NCOA2: variants seen among roughly 807,000 people sequenced by gnomAD.
The protein encoded by NCOA2 is nuclear receptor coactivator 2, also known as class E basic helix-loop-helix protein 75.
Under a neutral mutation model 145.1 loss-of-function variants are expected in NCOA2, and 21 were observed. The ratio of observed to expected loss-of-function variants is 0.14; its 90% CI spans 0.10 to 0.21. The LOEUF (loss-of-function observed/expected upper bound fraction) is 0.21, where lower values mean the gene tolerates loss of function less well. Among genes scored for constraint, NCOA2 ranks in the 10% least tolerant of loss-of-function variants. NCOA2 has a pLI of 1.00. For synonymous variants in NCOA2, 619 were observed against 637.5 expected (o/e 0.97, Z 0.44); for missense variants, 1,472 against 1,837.6 (o/e 0.80, Z 3.64).
At chr8:70,174,705 G>T in intron 5 of NCOA2, 51 bp downstream of exon 5, 1 of 1,458,676 alleles carries the variant, frequency 6.9e-7, no homozygotes, top group Non-Finnish European at 9.6e-7. Flanking sequence ...ATGTAATAAT[G>T]TGAAGATCAA....
intron 1 of NCOA2, among the ~76,000 whole-genome samples, chr8:70,376,046 G>C (rs1228135264): frequency 2.6e-5 from 4 of 152,084 alleles, no homozygotes; most frequent in Non-Finnish European, 5.9e-5. Flanking sequence ...TTCAACTTTA[G>C]TAGTAAAATA....
At chr8:70,430,388 C>T in the NCOA2 span, among the ~76,000 whole-genome samples, 8 of 152,104 alleles carry the variant, frequency 5.3e-5, no homozygotes, top group Admixed American at 1.3e-4. Flanking sequence ...TACAATAGCA[C>T]TACATTTTTT....
rs199803538 is a variant in NCOA2, at chr8:70,194,676, CTTTTTTTT to C, written c.259+19219_259+19226del. Among the ~76,000 whole-genome samples, 147 of 109,874 alleles carry C rather than the reference CTTTTTTTT, an allele frequency of 1.3e-3. 1 individual carries two copies. The highest frequency in any genetic ancestry group is 4.5e-3 in the Middle Eastern group (1 of 220). 72.1% of individuals were successfully genotyped at this position (109,874 alleles called of 152,430 possible). On this transcript the variant is annotated intron_variant, in intron 4 of 22. Coordinates refer to ENST00000452400, the MANE Select transcript of NCOA2 (RefSeq NM_006540.4). ...CTGTTTTTCTGGGCTCTTTTATCTTCTTTTTTTTTTTTTTTTTTTTTCCTGACAGGAAA... is the reference window on the plus strand; with the variant it reads ...CTGTTTTTCTGGGCTCTTTTATCTTCTTTTTTTTTTTTTCCTGACAGGAAA...
chr8:70,250,443 G>A (rs1345754768), intron 2 of NCOA2, among the ~76,000 whole-genome samples: 4 of 140,648 alleles, frequency 2.8e-5, no homozygotes, highest in South Asian at 2.4e-4. Context: ...GTGGTGGCAC[G>A]CCTGTGGTCC....
chr8:70,177,976 T>C (rs1437341874), intron 4 of NCOA2, among the ~76,000 whole-genome samples: 1 of 152,220 alleles, frequency 6.6e-6, no homozygotes, highest in South Asian at 2.1e-4. Context: ...AACCCATTTC[T>C]AGGCCTTTTA....
intron 13 of NCOA2, among the ~76,000 whole-genome samples, 189 bp from the exon 14 acceptor site, chr8:70,141,588 T>G (rs1810439432): frequency 6.6e-6 from 1 of 152,194 alleles, no homozygotes; most frequent in Admixed American, 6.5e-5. Context: ...CTACATAGTT[T>G]TCATAACATG....
intron 21 of NCOA2, 112 bp downstream of exon 21, chr8:70,123,766 CAAAGTA>C (rs1808090859): frequency 5.1e-6 from 4 of 791,624 alleles, no homozygotes; most frequent in Non-Finnish European, 7.6e-6. Flanking sequence ...AAACACTCCT[CAAAGTA>C]AATGTGGGAG....
intron 1 of NCOA2, among the ~76,000 whole-genome samples, chr8:70,316,296 T>G (rs997494260): frequency 1.2e-4 from 19 of 152,216 alleles, no homozygotes; most frequent in Admixed American, 7.2e-4. Flanking sequence ...GGCTCAAACT[T>G]GTTCAATGAG....
chr8:70,132,563 G>A (rs1472294487), intron 15 of NCOA2, among the ~76,000 whole-genome samples: 3 of 152,130 alleles, frequency 2.0e-5, no homozygotes, highest in African/African-American at 7.2e-5. Context: ...AGCAGGCCTG[G>A]AAAACATTTA....
Position 70,144,701 on chromosome 8 carries a change from C to A in NCOA2, c.2753G>T (p.Gly918Val). 6.2e-7 allele frequency: 1 copy of A among 1,613,970 alleles called. No individual in the cohort carries two copies. Among genetic ancestry groups the A allele is most frequent in the Non-Finnish European group, 8.5e-7 (1 of 1,179,882 alleles). The part of the protein sequence containing the change: ...SSPYSVIPQP[G>V]MMGNQGMIGN... ...TATCATCCCTTGATTACCCATCATT[C>A]CTGGCTGAGGTATCACTGAGTAGGG... Residue 918 changes from glycine to valine, a missense_variant, in exon 13 of 23, where the codon GGA (glycine) becomes GTA (valine). Physicochemically the swap from Gly to Val is moderately radical, Grantham distance 109. Around this residue, in one of 4 missense-constraint regions of NCOA2, gnomAD observed 953 missense variants for 1,062.1 expected, o/e 0.90. Coordinates refer to ENST00000452400, the MANE Select transcript of NCOA2 (RefSeq NM_006540.4).
chr8:70,116,869 G>A (rs1185920089), intron 22 of NCOA2, among the ~76,000 whole-genome samples: 1 of 152,198 alleles, frequency 6.6e-6, no homozygotes, highest in Non-Finnish European at 1.5e-5. Flanking sequence ...GCCTGAGCAA[G>A]ATGGTAACAG....
chr8:70,422,406 T>A, the NCOA2 span, among the ~76,000 whole-genome samples: 2 of 152,086 alleles, frequency 1.3e-5, no homozygotes, highest in Non-Finnish European at 2.9e-5. Flanking sequence ...GCTGTGTTTT[T>A]TTTTTTTGTT....
At chr8:70,132,923 A>G (rs1349205799) in intron 15 of NCOA2, among the ~76,000 whole-genome samples, 2 of 152,222 alleles carry the variant, frequency 1.3e-5, no homozygotes, top group African/African-American at 4.8e-5. Context: ...TGCATTAGGT[A>G]CATAAGGAAA....
intron 1 of NCOA2, among the ~76,000 whole-genome samples, chr8:70,388,372 C>T (rs1431666608): frequency 6.6e-6 from 1 of 152,132 alleles, no homozygotes; most frequent in East Asian, 1.9e-4. Flanking sequence ...CTTTAGGATT[C>T]CTTTTCCCTG....
At chr8:70,118,449 T>C (rs1053290528) in intron 22 of NCOA2, among the ~76,000 whole-genome samples, 1 of 152,066 alleles carries the variant, frequency 6.6e-6, no homozygotes, top group Admixed American at 6.5e-5. Context: ...CCTCTAGGTA[T>C]ATACAGACAA....
chr8:70,369,535 C>T (rs1433171634), intron 1 of NCOA2, among the ~76,000 whole-genome samples: 2 of 152,188 alleles, frequency 1.3e-5, no homozygotes, highest in Non-Finnish European at 2.9e-5. Context: ...CAATGAGTTT[C>T]ACTGTGTCTT....
At chr8:70,159,194 G>A (rs192061105) in intron 10 of NCOA2, among the ~76,000 whole-genome samples, 9 of 88,166 alleles carry the variant, frequency 1.0e-4, no homozygotes, top group African/African-American at 3.2e-4. Flanking sequence ...TGTAAATATA[G>A]TTATAATACA....
chr8:70,285,192 A>G (rs1826153054), intron 2 of NCOA2, among the ~76,000 whole-genome samples: 1 of 152,232 alleles, frequency 6.6e-6, no homozygotes, highest in Non-Finnish European at 1.5e-5. Context: ...AATAGAAAAT[A>G]TATCAGATAC....
rs1806550888 is a variant in NCOA2, at chr8:70,111,722, A to G, written c.*1910T>C. 1 of 217,142 alleles carries G rather than the reference A, an allele frequency of 4.6e-6. No individual in the cohort carries two copies. The highest frequency in any genetic ancestry group is 9.2e-6 in the Non-Finnish European group (1 of 108,134). 13.5% of individuals were successfully genotyped at this position (217,142 alleles called of 1,614,324 possible). ...GCTATATCTCTTCCTATATTTCCAT[A>G]ATGCGTACATATAGAGAGAGATATA... On this transcript the variant is annotated 3_prime_UTR_variant, in exon 23 of 23. Transcript: ENST00000452400.
Sources: gnomAD v4.1 joint callset for allele counts (sites outside exome capture counted in the v4.1 genomes callset) on GRCh38, gnomAD v4.1.1 for gene constraint, gnomAD v4.1.1 regional missense constraint, MANE v1.5 for transcripts, NCBI Gene and HGNC (gene_info 2026-07-23, HGNC 2026-07-21) for gene names.